The following PREX2 variants were observed in gnomAD, a reference collection of about 807,000 sequenced individuals.
PREX2 encodes phosphatidylinositol-3,4,5-trisphosphate dependent Rac exchange factor 2.
Under a neutral mutation model 203.2 loss-of-function variants are expected in PREX2, and 107 were observed. The observed-to-expected ratio is 0.53, with a 90% CI of 0.45 to 0.62. The LOEUF (loss-of-function observed/expected upper bound fraction) is 0.62. PREX2 is among the 20% of genes least tolerant of loss of function. The pLI is 0.00. For missense variants in PREX2, 1,777 were observed against 1,955.9 expected, an observed-to-expected ratio of 0.91 and a Z score of 1.72; for synonymous variants, 672 against 663.6, an observed-to-expected ratio of 1.01 and a Z score of -0.19.
intron 23 of PREX2, among the ~76,000 whole-genome samples, chr8:68,104,506 A>G (rs888117964): frequency 6.6e-6 from 1 of 150,410 alleles, no homozygotes; most frequent in Non-Finnish European, 1.5e-5. Context: ...CTAACTTTCC[A>G]CTCCTTCCAG....
chr8:68,038,508 T>C (rs138839671), intron 7 of PREX2, among the ~76,000 whole-genome samples: 3 of 152,250 alleles, frequency 2.0e-5, no homozygotes, highest in Non-Finnish European at 4.4e-5. Context: ...AATGTCACTG[T>C]CATCTGATGA....
intron 11 of PREX2, among the ~76,000 whole-genome samples, chr8:68,068,728 A>G (rs1490749267): frequency 6.6e-6 from 1 of 152,252 alleles, no homozygotes; most frequent in African/African-American, 2.4e-5. Context: ...CACATTGTGT[A>G]TACCTTTATA....
intron 37 of PREX2, among the ~76,000 whole-genome samples, chr8:68,209,770 A>C (rs912789510): frequency 1.3e-5 from 2 of 152,218 alleles, no homozygotes; most frequent in East Asian, 3.8e-4. Flanking sequence ...ACTAACCTCG[A>C]TAAGAATGCA....
chr8:68,116,081 G>A, intron 26 of PREX2, 149 bp downstream of exon 26: 1 of 655,594 alleles, frequency 1.5e-6, no homozygotes, highest in South Asian at 2.1e-5. Context: ...CTCAGACAAA[G>A]CATAGTGGGA....
intron 11 of PREX2, among the ~76,000 whole-genome samples, chr8:68,062,978 A>C (rs984983810): frequency 6.6e-6 from 1 of 152,180 alleles, no homozygotes; most frequent in African/African-American, 2.4e-5. Flanking sequence ...ATGAATAATT[A>C]TATTTTGAGT....
At chr8:68,217,070 G>GT (rs1361169760) in intron 37 of PREX2, among the ~76,000 whole-genome samples, 4 of 152,046 alleles carry the variant, frequency 2.6e-5, no homozygotes, top group Non-Finnish European at 4.4e-5. Flanking sequence ...GCTACTCTGG[G>GT]TATCACATTT....
At chr8:68,040,908 A>C (rs1020849377) in intron 7 of PREX2, among the ~76,000 whole-genome samples, 3 of 152,204 alleles carry the variant, frequency 2.0e-5, no homozygotes, top group Non-Finnish European at 4.4e-5. Context: ...ATTTGTGTTT[A>C]ATGTTATTGA....
At chr8:68,128,069 G>T (rs1012501892) in intron 31 of PREX2, among the ~76,000 whole-genome samples, 1 of 152,086 alleles carries the variant, frequency 6.6e-6, no homozygotes, top group African/African-American at 2.4e-5. Flanking sequence ...TTTCAACAAG[G>T]TTTTCATTCA....
At chr8:67,986,843 C>A (rs1051118013) in intron 1 of PREX2, among the ~76,000 whole-genome samples, 3 of 151,910 alleles carry the variant, frequency 2.0e-5, no homozygotes, top group African/African-American at 7.3e-5. Context: ...TTGGAATTCA[C>A]GAAAACCAAA....
intron 8 of PREX2, among the ~76,000 whole-genome samples, chr8:68,048,209 G>A (rs889164498): frequency 1.3e-5 from 2 of 151,966 alleles, no homozygotes; most frequent in Admixed American, 1.3e-4. Context: ...TGATCATGAT[G>A]CTATAAAGAA....
chr8:68,224,687 G>C, intron 39 of PREX2, 61 bp downstream of exon 39: 1 of 1,259,864 alleles, frequency 7.9e-7, no homozygotes, highest in Non-Finnish European at 1.2e-6. Context: ...CCCCGGCAGT[G>C]TCCCTCCGCT....
rs1006442597 is a variant in PREX2, at chr8:67,952,129, G to C, written c.-266G>C. On this transcript the variant is annotated 5_prime_UTR_variant, in exon 1 of 40. Transcript: ENST00000288368. The stretch of plus-strand genomic sequence containing the variant: ...CCCGGCCGTGTGAGGCCAGAGCAGC[G>C]GGGCCGGGCGCGCAGGGCCTGGCCG... 2.2e-5 allele frequency: 7 copies of C among 324,286 alleles called. No homozygotes were observed. Among genetic ancestry groups the C allele is most frequent in the Non-Finnish European group, 2.2e-5 (4 of 181,406 alleles). The allele number at this position is 324,286 out of a possible 1,614,324, so 20.1% of individuals were successfully genotyped here.
intron 35 of PREX2, among the ~76,000 whole-genome samples, chr8:68,167,140 C>T (rs1263201480): frequency 1.3e-5 from 2 of 152,020 alleles, no homozygotes; most frequent in Non-Finnish European, 2.9e-5. Flanking sequence ...AATTTTGCTT[C>T]CAAATAATAA....
At chr8:68,104,670 G>A (rs1810357609) in intron 23 of PREX2, among the ~76,000 whole-genome samples, 1 of 152,066 alleles carries the variant, frequency 6.6e-6, no homozygotes, top group African/African-American at 2.4e-5. Context: ...TTACATAATT[G>A]ACTTACTGTA....
intron 17 of PREX2, chr8:68,082,154 T>C (rs1257547998): frequency 6.6e-6 from 1 of 152,224 alleles, no homozygotes; most frequent in Non-Finnish European, 1.5e-5. Flanking sequence ...CCCACCCTCA[T>C]AGGCCCTACT....
Position 68,235,476 on chromosome 8 carries a change from T to C in PREX2, c.*4098T>C, listed in dbSNP as rs1180937810. On this transcript the variant is annotated 3_prime_UTR_variant, in exon 40 of 40. Transcript: ENST00000288368. Reference sequence around the variant, plus strand: ...TATATATACTAACCAATTTGCTAAATGAATTGTCGGTTGTCCTGCTTAAGT... The same window carrying C: ...TATATATACTAACCAATTTGCTAAACGAATTGTCGGTTGTCCTGCTTAAGT... 6.6e-6 allele frequency: 1 copy of C among 152,178 alleles called. No individual in the cohort carries two copies. Among genetic ancestry groups the C allele is most frequent in the Non-Finnish European group, 1.5e-5 (1 of 68,018 alleles). The allele number at this position is 152,178 out of a possible 1,614,324, so 9.4% of individuals were successfully genotyped here. A position where few individuals can be genotyped will look rare whatever the true frequency, so the allele number is the denominator to read the frequency against.
chr8:68,165,026 C>G (rs1328854205), intron 35 of PREX2, among the ~76,000 whole-genome samples: 1 of 151,252 alleles, frequency 6.6e-6, no homozygotes, highest in African/African-American at 2.4e-5. Flanking sequence ...ATCATAGCCA[C>G]TAGACCACAG....
chr8:68,211,399 A>G (rs2129615142), intron 37 of PREX2, among the ~76,000 whole-genome samples: 1 of 152,332 alleles, frequency 6.6e-6, no homozygotes, highest in South Asian at 2.1e-4. Context: ...AACCTTTTAA[A>G]TAGTTGAAAT....
At chr8:68,094,994 C>T (rs1810011505) in intron 21 of PREX2, 1 of 152,162 alleles carries the variant, frequency 6.6e-6, no homozygotes, top group South Asian at 2.1e-4. Context: ...CTTACAATCA[C>T]TGGTTTATTA....
Sources: gnomAD v4.1 joint callset for allele counts (sites outside exome capture counted in the v4.1 genomes callset) on GRCh38, gnomAD v4.1.1 for gene constraint, MANE v1.5 for transcripts, NCBI Gene and HGNC (gene_info 2026-07-23, HGNC 2026-07-21) for gene names.